CARD8: variants seen among roughly 807,000 people sequenced by gnomAD.
CARD8 encodes caspase recruitment domain-containing protein 8.
In CARD8, 38 loss-of-function variants were observed where a neutral mutation model predicts 53.2. The ratio of observed to expected loss-of-function variants is 0.71; its 90% CI spans 0.55 to 0.94. The LOEUF (loss-of-function observed/expected upper bound fraction) is 0.94. Among genes scored for constraint, CARD8 ranks in the 40% least tolerant of loss-of-function variants. CARD8 has a pLI of 0.00. For missense variants in CARD8, 561 were observed against 655.5 expected, an observed-to-expected ratio of 0.86 and a Z score of 1.57; for synonymous variants, 245 against 244.9, an observed-to-expected ratio of 1.00 and a Z score of 0.00.
chr19:48,231,841 TA>T lies in CARD8; in HGVS notation c.392-32del, dbSNP rs1310125007. The T allele has an allele frequency of 2.5e-6, 4 of 1,610,202 alleles. No homozygotes were observed. In the South Asian group the frequency reaches 4.4e-5, roughly 18 times the overall value. On this transcript the variant is annotated intron_variant, in intron 7 of 13. Coordinates refer to ENST00000651546, the MANE Select transcript of CARD8 (RefSeq NM_001184900.3). Reference sequence around the variant, plus strand: ...AAGAAAATACTAGACATGTAAGAGGTAAAGGGTTGGAAGAGGCATGGCCTGA... The same window carrying T: ...AAGAAAATACTAGACATGTAAGAGGTAAGGGTTGGAAGAGGCATGGCCTGA...
At chr19:48,204,316 T>A, downstream of CARD8, 1 of 404,992 alleles carries the variant, frequency 2.5e-6, no homozygotes, top group South Asian at 1.8e-5. Context: ...ACTGGAGGGA[T>A]GGAGGGTGTG....
intron 10 of CARD8, 130 bp downstream of exon 10, chr19:48,230,308 G>A: frequency 1.0e-6 from 1 of 995,148 alleles, no homozygotes; most frequent in Non-Finnish European, 1.5e-6. Context: ...CCTCAGGAAG[G>A]GTGACTCCTG....
intron 11 of CARD8, 86 bp downstream of exon 11, chr19:48,221,644 T>C: frequency 1.1e-6 from 1 of 946,462 alleles, no homozygotes; most frequent in Non-Finnish European, 1.5e-6. Flanking sequence ...AAAAGAAAAA[T>C]GTTGCATTTT....
In CARD8 at chr19:48,230,968, G is replaced by A. The variant is rs776337527; in HGVS notation, c.581C>T (p.Ala194Val). The A allele has an allele frequency of 1.2e-5, 19 of 1,614,044 alleles. No homozygotes were observed. The East Asian group carries it at 4.2e-4, about 36-fold the overall frequency. ...CCTTACCAGGAAGCCGAGGCCTGTGGCTGACCACAGATACCAGCCAGCAGT... is the reference window on the plus strand; with the variant it reads ...CCTTACCAGGAAGCCGAGGCCTGTGACTGACCACAGATACCAGCCAGCAGT... The part of the protein sequence containing the change: ...FPTAGWYLWS[A>V]TGLGFLVRDE... The change falls in exon 9 of 14, where the codon GCC (alanine) becomes GTC (valine). Residue 194 changes from alanine to valine, a missense_variant. Coordinates refer to ENST00000651546, the MANE Select transcript of CARD8 (RefSeq NM_001184900.3).
At chr19:48,233,277 G>A (rs936020680) in intron 6 of CARD8, 29 of 454,992 alleles carry the variant, frequency 6.4e-5, no homozygotes, top group African/African-American at 5.4e-4. Flanking sequence ...GATACCTTCT[G>A]GAGCAAGGCA....
chr19:48,229,213 C>T (rs940285250), intron 10 of CARD8, among the ~76,000 whole-genome samples: 4 of 152,172 alleles, frequency 2.6e-5, no homozygotes, highest in African/African-American at 4.8e-5. Context: ...TAGGTGAAGA[C>T]GGGCCAGAAA....
intron 5 of CARD8, 105 bp from the exon 6 acceptor site, chr19:48,234,648 T>C: frequency 9.5e-7 from 1 of 1,056,448 alleles, no homozygotes; most frequent in South Asian, 1.6e-5. Context: ...GACTCAATAT[T>C]TTATCTTAGG....
chr19:48,213,413 T>C (rs961148085), intron 13 of CARD8, among the ~76,000 whole-genome samples: 4 of 152,128 alleles, frequency 2.6e-5, no homozygotes, highest in African/African-American at 9.7e-5. Context: ...CTCACTCTTG[T>C]CCCCAGGCTG....
chr19:48,246,956 T>C (rs1487748291), intron 3 of CARD8, among the ~76,000 whole-genome samples: 1 of 152,244 alleles, frequency 6.6e-6, no homozygotes, highest in Non-Finnish European at 1.5e-5. Flanking sequence ...GAGGAATTGA[T>C]ATACTCCTAT....
At chr19:48,223,579 G>C (rs1165713397) in intron 10 of CARD8, 1 of 278,978 alleles carries the variant, frequency 3.6e-6, no homozygotes, top group Non-Finnish European at 7.1e-6. Flanking sequence ...CATCTCTGAT[G>C]AACAATTCTT....
chr19:48,204,161 G>C (rs1271394274), downstream of CARD8: 1 of 455,462 alleles, frequency 2.2e-6, no homozygotes, highest in African/African-American at 2.0e-5. Context: ...AGGCGGACGC[G>C]GGAAACCTGC....
chr19:48,218,388 G>A (rs1433328233), intron 12 of CARD8, among the ~76,000 whole-genome samples: 5 of 125,466 alleles, frequency 4.0e-5, no homozygotes, highest in East Asian at 2.2e-4. Context: ...ATGGAGTTTC[G>A]CTCTTATTGC....
At chr19:48,225,522 A>G (rs186179690) in intron 10 of CARD8, among the ~76,000 whole-genome samples, 1 of 152,238 alleles carries the variant, frequency 6.6e-6, no homozygotes, top group Admixed American at 6.5e-5. Context: ...GGGATGGACC[A>G]GACTAGAGGG....
In CARD8 at chr19:48,214,029, C is replaced by T. The variant is rs549766595; in HGVS notation, c.1348+1311G>A. 1.1e-4 allele frequency among the ~76,000 whole-genome samples: 16 copies of T among 152,290 alleles called. No homozygotes were observed. In the South Asian group the frequency reaches 2.9e-3, roughly 28 times the overall value. On this transcript the variant is annotated intron_variant, in intron 13 of 13. Transcript: ENST00000651546. ...ATCAAACTACTTTAACTTAGAGTTC[C>T]CCAGACGCAAGATATTAAATATTTA...
intron 5 of CARD8, among the ~76,000 whole-genome samples, chr19:48,236,318 T>G (rs1470760248): frequency 6.6e-6 from 1 of 152,178 alleles, no homozygotes; most frequent in Non-Finnish European, 1.5e-5. Context: ...GTTCAAGCTA[T>G]TCTCCTGCCT....
At position 48,240,949 on chromosome 19, in the gene CARD8, CAA is replaced by C. The variant is rs1239464817; in HGVS notation, c.59+11_59+12del. The C allele has an allele frequency of 5.2e-6, 8 of 1,534,654 alleles. No homozygotes were observed. The East Asian group carries it at 1.2e-4, about 23-fold the overall frequency. The stretch of plus-strand genomic sequence containing the variant: ...AGCCATCAGGAGCCCTCACAGAGCG[CAA>C]AGTCACTCACCGTCTCGGCAGCTCT... On this transcript the variant is annotated intron_variant, in intron 4 of 13. Transcript: ENST00000651546.
rs184448540 is a variant in CARD8 at position 48,220,658 on chromosome 19, A to T, written c.1161+1072T>A. ...GCCAGGTGTGGTGGCTCGAGCCTGT[A>T]ATCTCAGCACTTTGGGAGGCCAAGG... On this transcript the variant is annotated intron_variant, in intron 11 of 13. Transcript: ENST00000651546. 7.3e-4 allele frequency among the ~76,000 whole-genome samples: 111 copies of T among 152,194 alleles called. 2 individuals are homozygous for T. In the South Asian group the frequency reaches 0.011, roughly 16 times the overall value.
At chr19:48,247,008 T>C (rs1267054275) in intron 3 of CARD8, among the ~76,000 whole-genome samples, 1 of 152,236 alleles carries the variant, frequency 6.6e-6, no homozygotes. Context: ...CTCACATGTT[T>C]ACTCACTGTG....
At position 48,239,417 on chromosome 19, in the gene CARD8, G is replaced by A. The variant is rs2044538697; in HGVS notation, c.60-885C>T. On this transcript the variant is annotated intron_variant, in intron 4 of 13. Coordinates refer to ENST00000651546, the MANE Select transcript of CARD8 (RefSeq NM_001184900.3). ...ACTGGGTTCCCAAAGCAAACAATTC[G>A]TCCTAGTCCGTGGTCTTTTATGCAT... Among the ~76,000 whole-genome samples the A allele has an allele frequency of 2.0e-5, 3 of 151,500 alleles. No individual in the cohort carries two copies. The South Asian group carries it at 6.3e-4, about 32-fold the overall frequency.
Sources: allele counts gnomAD v4.1 joint callset (sites outside exome capture counted in the v4.1 genomes callset), GRCh38; gene constraint gnomAD v4.1.1; transcripts MANE v1.5; gene names NCBI Gene and HGNC (gene_info 2026-07-23, HGNC 2026-07-21).